Variants in LINGO2 observed in about 807,000 individuals in gnomAD.
The protein encoded by LINGO2 is leucine-rich repeat and immunoglobulin-like domain-containing nogo receptor-interacting protein 2.
In LINGO2, 14 loss-of-function variants were observed where a neutral mutation model predicts 30.6. The ratio of observed to expected loss-of-function variants is 0.46; its 90% CI spans 0.30 to 0.72. LINGO2 has a LOEUF of 0.72. Ranked by LOEUF, LINGO2 falls within the 30% of genes least tolerant of loss-of-function variation. The probability of loss-of-function intolerance (pLI) is 0.07; values close to 1 mark genes in which losing one functional copy is unlikely to be tolerated. For missense variants in LINGO2, 729 were observed against 751.7 expected (o/e 0.97, Z 0.35); for synonymous variants, 317 against 288.5 (o/e 1.10, Z -1.00).
intron 1 of LINGO2, among the ~76,000 whole-genome samples, chr9:28,647,875 A>ATTTC (rs1324946128): frequency 7.2e-6 from 1 of 138,904 alleles, no homozygotes; most frequent in Non-Finnish European, 1.5e-5. Flanking sequence ...GTATGATGAT[A>ATTTC]TTTCTTTTTC....
At chr9:28,791,646 G>A in the LINGO2 span, among the ~76,000 whole-genome samples, 1 of 151,798 alleles carries the variant, frequency 6.6e-6, no homozygotes, top group Non-Finnish European at 1.5e-5. Flanking sequence ...AGAAATGAGA[G>A]CTGAAATAAA....
chr9:29,036,974 TTA>T, the LINGO2 span, among the ~76,000 whole-genome samples: 1 of 151,938 alleles, frequency 6.6e-6, no homozygotes, highest in Non-Finnish European at 1.5e-5. Flanking sequence ...TTATAATAAT[TTA>T]TGTTAGGATG....
chr9:28,487,080 T>G (rs1826198805), intron 1 of LINGO2, among the ~76,000 whole-genome samples: 2 of 152,110 alleles, frequency 1.3e-5, no homozygotes, highest in South Asian at 2.1e-4. Context: ...GGAGCTCTGC[T>G]TGGATGGAAG....
the LINGO2 span, among the ~76,000 whole-genome samples, chr9:29,062,969 G>A: frequency 6.6e-6 from 1 of 152,002 alleles, no homozygotes; most frequent in Non-Finnish European, 1.5e-5. Flanking sequence ...TTCTAGACTT[G>A]GTTGGCTCTC....
the LINGO2 span, among the ~76,000 whole-genome samples, chr9:28,977,996 T>A: frequency 6.6e-6 from 1 of 152,112 alleles, no homozygotes; most frequent in East Asian, 1.9e-4. Flanking sequence ...CCAGAACCAC[T>A]GGAAAATGAA....
At chr9:28,497,667 T>A (rs1819694845) in intron 1 of LINGO2, among the ~76,000 whole-genome samples, 1 of 152,210 alleles carries the variant, frequency 6.6e-6, no homozygotes, top group South Asian at 2.1e-4. Flanking sequence ...CTCATCAAAG[T>A]CATTCTCCAT....
chr9:27,988,908 GAAAA>G (rs36045506), intron 5 of LINGO2, among the ~76,000 whole-genome samples: 16,949 of 151,570 alleles, frequency 0.11, 1,125 homozygotes, highest in Non-Finnish European at 0.15. Context: ...TCTTAAAAAA[GAAAA>G]AAAGATGAAA....
At chr9:28,030,586 A>G (rs558708823) in intron 4 of LINGO2, among the ~76,000 whole-genome samples, 1 of 152,334 alleles carries the variant, frequency 6.6e-6, no homozygotes, top group Non-Finnish European at 1.5e-5. Flanking sequence ...TCAATGCTTT[A>G]AGTATCTAAC....
chr9:28,120,081 G>A (rs144866885), intron 4 of LINGO2, among the ~76,000 whole-genome samples: 196 of 152,114 alleles, frequency 1.3e-3, no homozygotes, highest in African/African-American at 4.3e-3. Context: ...AAGGTAATAC[G>A]GCAACTTAAC....
chr9:28,933,552 C>T, the LINGO2 span, among the ~76,000 whole-genome samples: 6 of 151,866 alleles, frequency 4.0e-5, no homozygotes, highest in African/African-American at 7.3e-5. Context: ...GATGGGAGTA[C>T]AGGGTAGCTC....
chr9:28,743,964 C>T, the LINGO2 span, among the ~76,000 whole-genome samples: 1 of 151,112 alleles, frequency 6.6e-6, no homozygotes, highest in Non-Finnish European at 1.5e-5. Flanking sequence ...TTAAATATTC[C>T]CCATTTCTCT....
At chr9:28,397,355 G>GTGTA (rs1822087237) in intron 2 of LINGO2, among the ~76,000 whole-genome samples, 1 of 129,138 alleles carries the variant, frequency 7.7e-6, no homozygotes, top group Non-Finnish European at 1.7e-5. Flanking sequence ...ATGTTTTGAA[G>GTGTA]TATATATATA....
chr9:28,346,585 C>A (rs1402283337), intron 3 of LINGO2, among the ~76,000 whole-genome samples: 1 of 152,102 alleles, frequency 6.6e-6, no homozygotes, highest in Non-Finnish European at 1.5e-5. Context: ...TATGGTAGGT[C>A]TCTTTTGAGC....
intron 4 of LINGO2, among the ~76,000 whole-genome samples, chr9:28,265,328 AG>A (rs1470746770): frequency 1.3e-5 from 2 of 151,840 alleles, no homozygotes; most frequent in East Asian, 3.9e-4. Context: ...ACTCCCCCAT[AG>A]CTCCTTTCTA....
At chr9:28,326,588 T>C (rs1178827893) in intron 3 of LINGO2, among the ~76,000 whole-genome samples, 1 of 152,230 alleles carries the variant, frequency 6.6e-6, no homozygotes, top group Non-Finnish European at 1.5e-5. Context: ...TGAGATGGTA[T>C]GTTCCATGAG....
intron 3 of LINGO2, among the ~76,000 whole-genome samples, chr9:28,334,156 A>G (rs1023398908): frequency 6.6e-6 from 1 of 152,170 alleles, no homozygotes; most frequent in Non-Finnish European, 1.5e-5. Flanking sequence ...GTGGACACAT[A>G]CATGTTACCT....
intron 1 of LINGO2, among the ~76,000 whole-genome samples, chr9:28,611,824 TATTTA>T (rs1825928439): frequency 6.6e-6 from 1 of 151,648 alleles, no homozygotes; most frequent in African/African-American, 2.4e-5. Context: ...TTTATTTATT[TATTTA>T]TTTTTTTTTG....
At chr9:28,523,765 G>T (rs983783502) in intron 1 of LINGO2, among the ~76,000 whole-genome samples, 1 of 151,978 alleles carries the variant, frequency 6.6e-6, no homozygotes, top group Admixed American at 6.6e-5. Flanking sequence ...ATTATTGAAA[G>T]AAATTAAAGA....
At chr9:28,229,724 G>A (rs1209284668) in intron 4 of LINGO2, among the ~76,000 whole-genome samples, 4 of 151,746 alleles carry the variant, frequency 2.6e-5, no homozygotes, top group Admixed American at 1.3e-4. Context: ...TAACATATTG[G>A]CTTTCAGTTC....
Sources: gnomAD v4.1 joint callset for allele counts (sites outside exome capture counted in the v4.1 genomes callset) on GRCh38, gnomAD v4.1.1 for gene constraint, MANE v1.5 for transcripts, NCBI Gene and HGNC (gene_info 2026-07-23, HGNC 2026-07-21) for gene names.